The following FRMD4A variants were observed in gnomAD, a reference collection of about 807,000 sequenced individuals.
FRMD4A encodes the protein FERM domain-containing protein 4A.
A neutral mutation model predicts 129.1 loss-of-function variants in FRMD4A; 29 were observed. The observed-to-expected ratio is 0.22, with a 90% CI of 0.17 to 0.31. The LOEUF is 0.31. FRMD4A is among the 10% of genes least tolerant of loss of function. FRMD4A has a pLI of 1.00. For missense variants in FRMD4A, 1,272 were observed against 1,375.8 expected (o/e 0.92, Z 1.19); for synonymous variants, 634 against 571.6 (o/e 1.11, Z -1.56).
At chr10:13,828,273 C>G (rs78667459) in intron 3 of FRMD4A, among the ~76,000 whole-genome samples, 3,113 of 152,264 alleles carry the variant, frequency 0.02, 127 homozygotes, top group East Asian at 0.14. Context: ...ACCCAAATAG[C>G]ATCCGTTGTA....
chr10:13,951,288 G>A (rs1480530396), intron 2 of FRMD4A, among the ~76,000 whole-genome samples: 5 of 152,122 alleles, frequency 3.3e-5, no homozygotes, highest in Non-Finnish European at 7.3e-5. Context: ...GCGCCAGGAA[G>A]AGTGAGTTGC....
At position 14,019,966 on chromosome 10, in the gene FRMD4A, A is replaced by T. The variant is rs915988711; in HGVS notation, c.46-161054T>A. ...GACCTGCTGTTGGAATGGCTGCTGAATGCATAGCCTCCAAGGTATGCCTCG... is the reference window on the plus strand; with the variant it reads ...GACCTGCTGTTGGAATGGCTGCTGATTGCATAGCCTCCAAGGTATGCCTCG... On this transcript the variant is annotated intron_variant, in intron 2 of 24. Transcript: ENST00000357447. Among the ~76,000 whole-genome samples the T allele has an allele frequency of 2.0e-5, 3 of 152,312 alleles. 1 individual carries two copies. Among genetic ancestry groups the T allele is most frequent in the Admixed American group, 1.3e-4 (2 of 15,298 alleles).
intron 2 of FRMD4A, among the ~76,000 whole-genome samples, chr10:13,959,464 T>C (rs981020019): frequency 1.2e-5 from 1 of 82,256 alleles, no homozygotes; most frequent in South Asian, 5.5e-4. Flanking sequence ...AGAGCAAGAC[T>C]GTTTCATAAA....
chr10:14,327,313 T>C (rs1365331611), intron 2 of FRMD4A, among the ~76,000 whole-genome samples: 1 of 152,234 alleles, frequency 6.6e-6, no homozygotes, highest in African/African-American at 2.4e-5. Context: ...TTCATAGCAA[T>C]ACTGCTCATG....
chr10:13,773,270 G>C (rs1340073700), intron 6 of FRMD4A, among the ~76,000 whole-genome samples: 3 of 152,140 alleles, frequency 2.0e-5, no homozygotes, highest in Admixed American at 6.5e-5. Flanking sequence ...AACCCGACCT[G>C]CCCTTCTCCT....
At chr10:13,847,117 T>C (rs771607602) in intron 3 of FRMD4A, among the ~76,000 whole-genome samples, 8 of 152,190 alleles carry the variant, frequency 5.3e-5, no homozygotes, top group Non-Finnish European at 1.0e-4. Flanking sequence ...GTGGGCTTGC[T>C]TTCAAAGCAG....
intron 2 of FRMD4A, among the ~76,000 whole-genome samples, chr10:14,122,063 G>C (rs941471765): frequency 6.6e-6 from 1 of 152,158 alleles, no homozygotes; most frequent in Non-Finnish European, 1.5e-5. Flanking sequence ...GAGAGACTTA[G>C]GTTCTAACTT....
chr10:13,836,930 T>C (rs2093885102), intron 3 of FRMD4A, among the ~76,000 whole-genome samples: 1 of 152,030 alleles, frequency 6.6e-6, no homozygotes, highest in Non-Finnish European at 1.5e-5. Context: ...GCTAATTTTT[T>C]GTATTTTTAG....
chr10:14,227,292 C>T (rs1843477842), intron 2 of FRMD4A, among the ~76,000 whole-genome samples: 1 of 119,394 alleles, frequency 8.4e-6, no homozygotes, highest in African/African-American at 3.2e-5. Flanking sequence ...CACTCTGTCA[C>T]CCAGGCTGGA....
chr10:13,778,856 C>T (rs1256626796), intron 6 of FRMD4A, among the ~76,000 whole-genome samples: 2 of 152,168 alleles, frequency 1.3e-5, no homozygotes. Context: ...AAGGCTGCAT[C>T]TATCTCTTGG....
intron 2 of FRMD4A, among the ~76,000 whole-genome samples, chr10:13,990,220 TAGAA>T (rs1335187477): frequency 2.0e-5 from 3 of 152,246 alleles, no homozygotes; most frequent in Non-Finnish European, 4.4e-5. Flanking sequence ...ATTAAGCACA[TAGAA>T]AGAGCTCATT....
At chr10:14,280,003 C>G (rs1023411538) in intron 2 of FRMD4A, among the ~76,000 whole-genome samples, 1 of 152,200 alleles carries the variant, frequency 6.6e-6, no homozygotes, top group Non-Finnish European at 1.5e-5. Flanking sequence ...CTCCTGACTT[C>G]AATTTCTTAT....
chr10:13,811,884 G>GTTTTTTT (rs775972279), intron 3 of FRMD4A, among the ~76,000 whole-genome samples: 1 of 134,794 alleles, frequency 7.4e-6, no homozygotes, highest in Admixed American at 7.7e-5. Flanking sequence ...TTATCTGTTG[G>GTTTTTTT]TTTTTTTTTT....
At chr10:14,174,819 A>C (rs1157558130) in intron 2 of FRMD4A, among the ~76,000 whole-genome samples, 1 of 152,068 alleles carries the variant, frequency 6.6e-6, no homozygotes, top group Admixed American at 6.5e-5. Flanking sequence ...AGTTTCAAAA[A>C]CAGATTTATG....
intron 6 of FRMD4A, among the ~76,000 whole-genome samples, chr10:13,767,067 A>T (rs568420589): frequency 1.3e-5 from 2 of 152,230 alleles, no homozygotes; most frequent in South Asian, 4.1e-4. Flanking sequence ...GTGAGACTCC[A>T]TCTCAAAAGA....
At chr10:13,923,672 CT>C (rs140645620) in intron 2 of FRMD4A, among the ~76,000 whole-genome samples, 16,245 of 152,044 alleles carry the variant, frequency 0.11, 1,160 homozygotes, top group Non-Finnish European at 0.13. Context: ...AAAAATCAGA[CT>C]TTTTTTTAAA....
At chr10:14,262,597 T>C (rs1844843424) in intron 2 of FRMD4A, among the ~76,000 whole-genome samples, 1 of 152,148 alleles carries the variant, frequency 6.6e-6, no homozygotes, top group African/African-American at 2.4e-5. Context: ...TTCTCCTGAC[T>C]CAGTCCCTTG....
intron 2 of FRMD4A, among the ~76,000 whole-genome samples, chr10:14,145,917 T>C (rs981229240): frequency 2.6e-5 from 4 of 152,224 alleles, no homozygotes; most frequent in Admixed American, 6.5e-5. Context: ...TCTGAAATGA[T>C]GATAATTAGG....
chr10:14,114,885 C>T (rs1196238750), intron 2 of FRMD4A, among the ~76,000 whole-genome samples: 3 of 152,196 alleles, frequency 2.0e-5, no homozygotes, highest in South Asian at 4.1e-4. Context: ...AGCACTGGAT[C>T]CATGCCGGCC....
Sources: gnomAD v4.1 joint callset for allele counts (sites outside exome capture counted in the v4.1 genomes callset) on GRCh38, gnomAD v4.1.1 for gene constraint, MANE v1.5 for transcripts, NCBI Gene and HGNC (gene_info 2026-07-23, HGNC 2026-07-21) for gene names.